Variants in CDKAL1 observed in about 807,000 individuals in gnomAD.
The protein encoded by CDKAL1 is CDKAL1 threonylcarbamoyladenosine tRNA methylthiotransferase.
Under a neutral mutation model 68.2 loss-of-function variants are expected in CDKAL1, and 32 were observed. That is an observed-to-expected ratio of 0.47 (90% CI 0.35 to 0.63). The LOEUF is 0.63. Among genes scored for constraint, CDKAL1 ranks in the 30% least tolerant of loss-of-function variants. The probability of loss-of-function intolerance (pLI) is 0.00; values close to 1 mark genes in which losing one functional copy is unlikely to be tolerated. For synonymous variants in CDKAL1, 234 were observed against 244.3 expected (o/e 0.96, Z 0.39); for missense variants, 606 against 696.7 (o/e 0.87, Z 1.47).
intron 9 of CDKAL1, among the ~76,000 whole-genome samples, chr6:20,849,313 G>A (rs991011756): frequency 2.0e-5 from 3 of 152,034 alleles, no homozygotes; most frequent in African/African-American, 4.8e-5. Context: ...ACCAGGTGCC[G>A]TGGCTCACGC....
chr6:21,052,126 TA>T (rs1254473719), intron 11 of CDKAL1, among the ~76,000 whole-genome samples: 1 of 152,234 alleles, frequency 6.6e-6, no homozygotes, highest in Non-Finnish European at 1.5e-5. Context: ...ACTATGAGAA[TA>T]AATTTAGAGA....
intron 13 of CDKAL1, among the ~76,000 whole-genome samples, chr6:21,169,920 G>GAC (rs1554191154): frequency 2.4e-5 from 2 of 84,790 alleles, no homozygotes; most frequent in African/African-American, 7.1e-5. Context: ...GTACGGGAAA[G>GAC]ACCCCCCCCA....
chr6:20,619,474 G>A (rs918981788), intron 4 of CDKAL1, among the ~76,000 whole-genome samples: 1 of 152,128 alleles, frequency 6.6e-6, no homozygotes, highest in African/African-American at 2.4e-5. Context: ...ACATTATGTT[G>A]TATGTGATAA....
At chr6:21,028,713 C>T (rs1424183946) in intron 11 of CDKAL1, among the ~76,000 whole-genome samples, 1 of 152,148 alleles carries the variant, frequency 6.6e-6, no homozygotes, top group Non-Finnish European at 1.5e-5. Flanking sequence ...GGGACACAAT[C>T]CATTCATAAC....
chr6:20,930,751 T>C (rs1561893365), intron 9 of CDKAL1, among the ~76,000 whole-genome samples: 2 of 151,852 alleles, frequency 1.3e-5, no homozygotes, highest in African/African-American at 4.8e-5. Flanking sequence ...TGTGTATTTT[T>C]TTTTTTTTTT....
intron 6 of CDKAL1, among the ~76,000 whole-genome samples, chr6:20,753,753 A>G (rs1385584080): frequency 6.6e-5 from 9 of 136,320 alleles, no homozygotes; most frequent in Admixed American, 3.7e-4. Flanking sequence ...TTTGTGTACA[A>G]GTTTTTTTAT....
At chr6:20,617,124 G>A (rs1046068299) in intron 4 of CDKAL1, among the ~76,000 whole-genome samples, 1 of 151,892 alleles carries the variant, frequency 6.6e-6, no homozygotes, top group African/African-American at 2.4e-5. Flanking sequence ...GCTTTTACTG[G>A]TACTCAGTTG....
intron 8 of CDKAL1, among the ~76,000 whole-genome samples, chr6:20,844,536 G>T (rs139555094): frequency 2.5e-4 from 38 of 151,980 alleles, no homozygotes; most frequent in African/African-American, 8.9e-4. Flanking sequence ...ACTCTGAAAG[G>T]GTTAAATGAG....
chr6:21,047,437 G>C (rs544203481), intron 11 of CDKAL1, among the ~76,000 whole-genome samples: 49 of 152,278 alleles, frequency 3.2e-4, no homozygotes, highest in African/African-American at 1.2e-3. Flanking sequence ...GGAAAATATT[G>C]AAATTGGTAT....
rs1554158223 is a variant in CDKAL1 at position 20,999,684 on chromosome 6, A to AAAG, written c.910-541_910-540insGAA. Among the ~76,000 whole-genome samples, 1,364 of 144,160 alleles carry AAAG rather than the reference A, an allele frequency of 9.5e-3. 8 individuals are homozygous for AAAG. The highest frequency in any genetic ancestry group is 9.9e-3 in the African/African-American group (362 of 36,490). The allele number at this position is 144,160 out of a possible 152,430, so 94.6% of individuals were successfully genotyped here. On this transcript the variant is annotated intron_variant, in intron 10 of 15. Coordinates refer to ENST00000274695, the MANE Select transcript of CDKAL1 (RefSeq NM_017774.3). ...AAATTAAAAAAAAAAAAAAAAAAAA[A>AAAG]AAAGAAAGAAACAGGTGAGTTGTAG...
intron 5 of CDKAL1, among the ~76,000 whole-genome samples, chr6:20,718,170 A>G (rs936664631): frequency 1.4e-4 from 21 of 152,158 alleles, no homozygotes; most frequent in Non-Finnish European, 2.5e-4. Context: ...GTAGAGACCA[A>G]CGTTAATTCA....
intron 13 of CDKAL1, among the ~76,000 whole-genome samples, chr6:21,167,844 T>C (rs972116054): frequency 6.6e-6 from 1 of 152,248 alleles, no homozygotes; most frequent in African/African-American, 2.4e-5. Flanking sequence ...TGCCAGCTGA[T>C]GTTATAATCT....
At position 20,613,249 on chromosome 6, in the gene CDKAL1, C is replaced by CTT. The variant is rs71559677; in HGVS notation, c.287-36002_287-36001dup. On this transcript the variant is annotated intron_variant, in intron 4 of 15. Transcript: ENST00000274695. ...TATCAGTTCATCACAAAATTTCTTT[C>CTT]TTTTTTTTTTTTTTTTTTTTTTTTT... 6.4e-4 allele frequency among the ~76,000 whole-genome samples: 50 copies of CTT among 77,834 alleles called. 3 individuals carry two copies. Among genetic ancestry groups the CTT allele is most frequent in the Non-Finnish European group, 8.6e-4 (35 of 40,808 alleles). 51.1% of individuals were successfully genotyped at this position (77,834 alleles called of 152,430 possible).
At chr6:21,067,481 G>A (rs770370068) in intron 12 of CDKAL1, among the ~76,000 whole-genome samples, 10 of 152,058 alleles carry the variant, frequency 6.6e-5, no homozygotes, top group Non-Finnish European at 1.0e-4. Flanking sequence ...GCGTGGTGGT[G>A]GGCGCCTGTA....
At position 21,119,866 on chromosome 6, in the gene CDKAL1, G is replaced by A. The variant is rs139281901; in HGVS notation, c.1299+11403G>A. 1.0e-3 allele frequency among the ~76,000 whole-genome samples: 154 copies of A among 152,198 alleles called. 2 individuals are homozygous for A. Among genetic ancestry groups the A allele is most frequent in the African/African-American group, 3.5e-3 (144 of 41,514 alleles). ...ATCCAAGGTTCATCCATTCTCCCTTGTAAGAGTCTTACACTATAGAGCTGG... is the reference window on the plus strand; with the variant it reads ...ATCCAAGGTTCATCCATTCTCCCTTATAAGAGTCTTACACTATAGAGCTGG... On this transcript the variant is annotated intron_variant, in intron 13 of 15. Coordinates refer to ENST00000274695, the MANE Select transcript of CDKAL1 (RefSeq NM_017774.3).
intron 4 of CDKAL1, among the ~76,000 whole-genome samples, chr6:20,555,202 G>A (rs1214207015): frequency 1.3e-5 from 2 of 152,204 alleles, no homozygotes; most frequent in African/African-American, 2.4e-5. Context: ...GCAAAGGAAA[G>A]GCCTTCATAT....
chr6:21,146,282 G>T (rs1348269058), intron 13 of CDKAL1, among the ~76,000 whole-genome samples: 2 of 152,030 alleles, frequency 1.3e-5, no homozygotes, highest in Non-Finnish European at 2.9e-5. Context: ...AAATTAGATG[G>T]CTGACATGAA....
At chr6:20,904,721 G>A (rs531434735) in intron 9 of CDKAL1, among the ~76,000 whole-genome samples, 35 of 151,964 alleles carry the variant, frequency 2.3e-4, no homozygotes, top group Non-Finnish European at 2.1e-4. Flanking sequence ...CCCAGGAGGC[G>A]GAGGTTGCGG....
chr6:20,953,005 A>T (rs1456860520), intron 9 of CDKAL1, among the ~76,000 whole-genome samples: 1 of 152,186 alleles, frequency 6.6e-6, no homozygotes, highest in African/African-American at 2.4e-5. Context: ...CAGATTTTTG[A>T]ATTGAATTGG....
Sources: allele counts gnomAD v4.1 joint callset (sites outside exome capture counted in the v4.1 genomes callset), GRCh38; gene constraint gnomAD v4.1.1; transcripts MANE v1.5; gene names NCBI Gene and HGNC (gene_info 2026-07-23, HGNC 2026-07-21).